The following MGAT4C variants were observed in gnomAD, a reference collection of about 807,000 sequenced individuals.
MGAT4C encodes MGAT4 family member C.
MGAT4C carries 19 observed loss-of-function variants against 40.1 expected under a neutral mutation model. That is an observed-to-expected ratio of 0.47 (90% CI 0.33 to 0.70). The LOEUF (loss-of-function observed/expected upper bound fraction) is 0.70, where lower values mean the gene tolerates loss of function less well. MGAT4C is among the 30% of genes least tolerant of loss of function. MGAT4C has a pLI of 0.02. For missense variants in MGAT4C, 491 were observed against 563.2 expected, an observed-to-expected ratio of 0.87 and a Z score of 1.30; for synonymous variants, 181 against 187.1, an observed-to-expected ratio of 0.97 and a Z score of 0.27.
At chr12:86,690,324 G>A (rs755991128) in intron 2 of MGAT4C, among the ~76,000 whole-genome samples, 1 of 152,150 alleles carries the variant, frequency 6.6e-6, no homozygotes, top group African/African-American at 2.4e-5. Context: ...GGCAGTGAAT[G>A]ATTCTGTCTC....
intron 4 of MGAT4C, among the ~76,000 whole-genome samples, chr12:86,323,869 C>G (rs12311124): frequency 0.014 from 2,096 of 151,848 alleles, 62 homozygotes; most frequent in African/African-American, 0.048. Flanking sequence ...TGCCACTAGC[C>G]TAAATGAGGC....
intron 2 of MGAT4C, among the ~76,000 whole-genome samples, chr12:86,565,944 G>T (rs937334686): frequency 6.6e-6 from 1 of 152,124 alleles, no homozygotes; most frequent in East Asian, 1.9e-4. Context: ...GGCTGACCTG[G>T]CTACAGCTAC....
chr12:86,151,186 C>T (rs1477225314), intron 1 of MGAT4C, among the ~76,000 whole-genome samples: 2 of 152,116 alleles, frequency 1.3e-5, no homozygotes, highest in Non-Finnish European at 2.9e-5. Context: ...AGTCAAAAGC[C>T]AATACCAAAG....
At chr12:86,417,877 A>C (rs898582984) in intron 3 of MGAT4C, among the ~76,000 whole-genome samples, 1 of 152,108 alleles carries the variant, frequency 6.6e-6, no homozygotes, top group South Asian at 2.1e-4. Flanking sequence ...ATCAAAAGCC[A>C]AAAAACAAGC....
chr12:86,407,992 T>C (rs995242039), intron 3 of MGAT4C, among the ~76,000 whole-genome samples: 6 of 152,096 alleles, frequency 3.9e-5, no homozygotes, highest in Non-Finnish European at 7.4e-5. Context: ...GGGTATATAT[T>C]GCACCCTGCA....
At chr12:86,045,997 G>A (rs1892365553) in intron 2 of MGAT4C, among the ~76,000 whole-genome samples, 1 of 152,190 alleles carries the variant, frequency 6.6e-6, no homozygotes. Context: ...CACTTGCAGT[G>A]TAGAGCCAAA....
chr12:86,230,795 T>C (rs1427688663), intron 1 of MGAT4C, among the ~76,000 whole-genome samples: 2 of 151,986 alleles, frequency 1.3e-5, no homozygotes, highest in East Asian at 1.9e-4. Context: ...TTTTGAATAA[T>C]GTGTTTCCCC....
intron 2 of MGAT4C, among the ~76,000 whole-genome samples, chr12:86,537,849 G>A (rs1254276780): frequency 6.6e-6 from 1 of 152,172 alleles, no homozygotes; most frequent in East Asian, 1.9e-4. Context: ...CACTTTGGGA[G>A]GCCAAGGTGG....
chr12:86,434,521 G>A (rs1032035568), intron 3 of MGAT4C, among the ~76,000 whole-genome samples: 1 of 151,832 alleles, frequency 6.6e-6, no homozygotes, highest in African/African-American at 2.4e-5. Flanking sequence ...ATAATAGGTA[G>A]AGATTCTCAT....
At chr12:86,059,035 G>T (rs6539941) in intron 1 of MGAT4C, among the ~76,000 whole-genome samples, 84,965 of 151,846 alleles carry the variant, frequency 0.56, 24,534 homozygotes, top group East Asian at 0.92. Context: ...CATGTTTTTT[G>T]CTTTTTATTT....
intron 1 of MGAT4C, among the ~76,000 whole-genome samples, chr12:86,060,786 G>A (rs1236679385): frequency 2.0e-5 from 3 of 152,168 alleles, no homozygotes; most frequent in East Asian, 3.9e-4. Flanking sequence ...TGTAAGGAGT[G>A]AAATCCTTGG....
chr12:86,449,332 C>T (rs1957387788), intron 2 of MGAT4C, among the ~76,000 whole-genome samples: 1 of 152,042 alleles, frequency 6.6e-6, no homozygotes, highest in Admixed American at 6.6e-5. Context: ...TTTAGATATG[C>T]TTTGGTTCAA....
intron 1 of MGAT4C, among the ~76,000 whole-genome samples, chr12:86,059,927 A>T (rs961799842): frequency 1.3e-5 from 2 of 152,208 alleles, no homozygotes; most frequent in Non-Finnish European, 2.9e-5. Flanking sequence ...AGAGACGAAG[A>T]TCTTATACAG....
intron 2 of MGAT4C, among the ~76,000 whole-genome samples, chr12:86,658,076 A>G (rs1963893141): frequency 6.6e-6 from 1 of 152,000 alleles, no homozygotes; most frequent in Non-Finnish European, 1.5e-5. Flanking sequence ...AATGCACCCA[A>G]AGTTAAATGC....
At chr12:86,767,380 C>G (rs989386798) in intron 1 of MGAT4C, among the ~76,000 whole-genome samples, 8 of 152,112 alleles carry the variant, frequency 5.3e-5, no homozygotes, top group African/African-American at 1.9e-4. Flanking sequence ...CAATAGCTTA[C>G]CAACCAAAAA....
At chr12:86,382,846 T>C (rs1204175931) in intron 3 of MGAT4C, among the ~76,000 whole-genome samples, 1 of 152,196 alleles carries the variant, frequency 6.6e-6, no homozygotes, top group African/African-American at 2.4e-5. Context: ...GAATTGGGGT[T>C]TGGGAGCCTT....
chr12:86,015,733 C>G (rs1280038293), intron 2 of MGAT4C: 1 of 152,196 alleles, frequency 6.6e-6, no homozygotes, highest in Non-Finnish European at 1.5e-5. Flanking sequence ...TTTTTAACGA[C>G]CTTAAAGTGC....
intron 2 of MGAT4C, among the ~76,000 whole-genome samples, chr12:86,646,937 G>A (rs1480113032): frequency 6.6e-6 from 1 of 151,918 alleles, no homozygotes; most frequent in Non-Finnish European, 1.5e-5. Context: ...AAATTGGTTT[G>A]GCCAAAGTGA....
In MGAT4C at chr12:86,075,839, C is replaced by T. The variant is rs924113451; in HGVS notation, c.-56-26116G>A. Among the ~76,000 whole-genome samples the T allele has an allele frequency of 2.0e-5, 3 of 152,192 alleles. No homozygotes were observed. The South Asian group carries it at 6.2e-4, about 32-fold the overall frequency. The stretch of plus-strand genomic sequence containing the variant: ...GGGTCACAGGGCCCTGCCCACAAAA[C>T]CTTCTTTTCCTCCTGGGCCTCTGGG... On this transcript the variant is annotated intron_variant, in intron 1 of 4. Transcript: ENST00000611864.
Sources: allele counts gnomAD v4.1 joint callset (sites outside exome capture counted in the v4.1 genomes callset), GRCh38; gene constraint gnomAD v4.1.1; transcripts MANE v1.5; gene names NCBI Gene and HGNC (gene_info 2026-07-23, HGNC 2026-07-21).